The following PHTF2 variants were observed in gnomAD, a reference collection of about 807,000 sequenced individuals.
The protein encoded by PHTF2 is protein PHTF2.
PHTF2 carries 60 observed loss-of-function variants against 101.2 expected under a neutral mutation model. The ratio of observed to expected loss-of-function variants is 0.59; its 90% CI spans 0.48 to 0.73. The LOEUF is 0.73. Among genes scored for constraint, PHTF2 ranks in the 30% least tolerant of loss-of-function variants. The pLI is 0.00. For synonymous variants in PHTF2, 311 were observed against 307.3 expected (o/e 1.01, Z -0.13); for missense variants, 747 against 908.7 (o/e 0.82, Z 2.29).
chr7:77,819,044 T>C (rs572003236), intron 1 of PHTF2, among the ~76,000 whole-genome samples: 4 of 152,042 alleles, frequency 2.6e-5, no homozygotes, highest in Non-Finnish European at 5.9e-5. Flanking sequence ...AGCTAGTTGA[T>C]TGTTTGTGTT....
intron 3 of PHTF2, among the ~76,000 whole-genome samples, chr7:77,875,508 TG>T (rs1253939805): frequency 6.6e-6 from 1 of 150,582 alleles, no homozygotes; most frequent in African/African-American, 2.5e-5. Flanking sequence ...TTGTTATATT[TG>T]TTGACTAATA....
chr7:77,924,374 A>G (rs1448249295), intron 11 of PHTF2, among the ~76,000 whole-genome samples: 1 of 152,132 alleles, frequency 6.6e-6, no homozygotes, highest in African/African-American at 2.4e-5. Flanking sequence ...AAATAACCAA[A>G]ACCAAAAAAA....
chr7:77,884,865 C>T (rs1170182630), intron 3 of PHTF2, among the ~76,000 whole-genome samples: 1 of 152,126 alleles, frequency 6.6e-6, no homozygotes. Flanking sequence ...TGCCACTGCA[C>T]TCCAGCCTGG....
exon 7 of PHTF2, chr7:77,901,904 C>T: frequency 2.5e-6 from 4 of 1,582,048 alleles, no homozygotes; most frequent in Non-Finnish European, 3.4e-6. Flanking sequence ...GGCTTCTTGT[C>T]CTTTATCTTC....
At chr7:77,805,585 C>G (rs1251232831) in intron 1 of PHTF2, among the ~76,000 whole-genome samples, 2 of 152,122 alleles carry the variant, frequency 1.3e-5, no homozygotes, top group Admixed American at 6.5e-5. Flanking sequence ...CTACATCTCA[C>G]GAATTTTGAT....
chr7:77,814,927 A>G (rs1317734552), intron 1 of PHTF2, among the ~76,000 whole-genome samples: 1 of 152,030 alleles, frequency 6.6e-6, no homozygotes, highest in Non-Finnish European at 1.5e-5. Context: ...ATACCAAAAA[A>G]TTAGCCAGAC....
At chr7:77,905,800 C>G (rs1453906689) in intron 7 of PHTF2, among the ~76,000 whole-genome samples, 1 of 152,102 alleles carries the variant, frequency 6.6e-6, no homozygotes, top group East Asian at 1.9e-4. Flanking sequence ...ATCCAGCCTA[C>G]TCCTAGAGTT....
chr7:77,943,600 C>T (rs1468138888), intron 16 of PHTF2, among the ~76,000 whole-genome samples: 3 of 151,232 alleles, frequency 2.0e-5, no homozygotes, highest in Admixed American at 6.6e-5. Flanking sequence ...TGTCATGGGC[C>T]GTGTAATATT....
intron 1 of PHTF2, among the ~76,000 whole-genome samples, chr7:77,822,046 G>A (rs1425645852): frequency 6.6e-6 from 1 of 152,182 alleles, no homozygotes; most frequent in Admixed American, 6.5e-5. Context: ...CTGCCAGCCC[G>A]AGGGATGTAT....
chr7:77,944,779 A>G (rs1805908199), intron 16 of PHTF2, among the ~76,000 whole-genome samples: 1 of 152,258 alleles, frequency 6.6e-6, no homozygotes. Flanking sequence ...ACTGTGAAAA[A>G]AGAACAGATA....
At chr7:77,945,684 G>C (rs1203048396) in intron 16 of PHTF2, among the ~76,000 whole-genome samples, 1 of 152,026 alleles carries the variant, frequency 6.6e-6, no homozygotes, top group East Asian at 1.9e-4. Context: ...TTTTTTTTAA[G>C]ATACTAGTAT....
At chr7:77,903,595 G>A (rs981841088) in intron 7 of PHTF2, among the ~76,000 whole-genome samples, 1 of 152,176 alleles carries the variant, frequency 6.6e-6, no homozygotes, top group African/African-American at 2.4e-5. Flanking sequence ...GTTAGATTGG[G>A]CATTAAATGA....
intron 12 of PHTF2, among the ~76,000 whole-genome samples, chr7:77,929,855 GAA>G (rs1237963822): frequency 6.6e-6 from 1 of 151,134 alleles, no homozygotes; most frequent in Admixed American, 6.6e-5. Context: ...TAACTAATAT[GAA>G]AAAATTAATG....
chr7:77,941,249 CTAA>C (rs1046174729), intron 15 of PHTF2, among the ~76,000 whole-genome samples: 2 of 152,044 alleles, frequency 1.3e-5, no homozygotes, highest in Non-Finnish European at 2.9e-5. Flanking sequence ...CAAAGAAGCC[CTAA>C]TAATAATAAT....
chr7:77,934,129 G>T (rs1294097562), intron 12 of PHTF2, among the ~76,000 whole-genome samples: 1 of 151,826 alleles, frequency 6.6e-6, no homozygotes, highest in Non-Finnish European at 1.5e-5. Flanking sequence ...TTTTTTTCTT[G>T]TTTAACCAGT....
intron 18 of PHTF2, 32 bp from the exon 18 acceptor site, chr7:77,953,737 T>C (rs1408149458): frequency 6.3e-7 from 1 of 1,595,716 alleles, no homozygotes; most frequent in Non-Finnish European, 8.5e-7. Flanking sequence ...TCTTTTTGAA[T>C]CTGGGACTGA....
chr7:77,946,075 A>G (rs541559186), intron 16 of PHTF2, among the ~76,000 whole-genome samples: 2 of 152,222 alleles, frequency 1.3e-5, no homozygotes, highest in African/African-American at 4.8e-5. Context: ...CAAAATACTA[A>G]GAAGATGAAG....
intron 17 of PHTF2, among the ~76,000 whole-genome samples, chr7:77,950,877 A>G (rs1013055923): frequency 2.0e-5 from 3 of 152,294 alleles, no homozygotes; most frequent in Non-Finnish European, 4.4e-5. Context: ...TCATGTTCCT[A>G]CAATATCTGA....
intron 12 of PHTF2, among the ~76,000 whole-genome samples, chr7:77,935,123 C>T (rs796435651): frequency 0.047 from 3,049 of 64,634 alleles, 159 homozygotes; most frequent in African/African-American, 0.13. Context: ...TGTACATTCC[C>T]CCCCCCCACA....
Sources: allele counts gnomAD v4.1 joint callset (sites outside exome capture counted in the v4.1 genomes callset), GRCh38; gene constraint gnomAD v4.1.1; transcripts MANE v1.5; gene names NCBI Gene and HGNC (gene_info 2026-07-23, HGNC 2026-07-21).